The following GRID1 variants were observed in gnomAD, a reference collection of about 807,000 sequenced individuals.
The protein encoded by GRID1 is glutamate receptor ionotropic, delta-1.
In GRID1, 28 loss-of-function variants were observed where a neutral mutation model predicts 98.0. The observed-to-expected ratio is 0.29, with a 90% confidence interval of 0.21 to 0.39. The LOEUF is 0.39. Ranked by LOEUF, GRID1 falls within the 10% of genes least tolerant of loss-of-function variation. The pLI is 1.00. For missense variants in GRID1, 1,111 were observed against 1,340.5 expected, an observed-to-expected ratio of 0.83 and a Z score of 2.67; for synonymous variants, 553 against 538.5, an observed-to-expected ratio of 1.03 and a Z score of -0.37.
chr10:85,714,480 C>T (rs747830363), intron 12 of GRID1, among the ~76,000 whole-genome samples: 22 of 151,794 alleles, frequency 1.4e-4, no homozygotes, highest in African/African-American at 3.4e-4. Context: ...TTGCAGATGA[C>T]GTGATCTATA....
chr10:85,617,100 G>A (rs2132518325), intron 14 of GRID1, among the ~76,000 whole-genome samples: 1 of 152,264 alleles, frequency 6.6e-6, no homozygotes, highest in South Asian at 2.1e-4. Flanking sequence ...ACATAAGGCT[G>A]GGACCTGTCA....
At chr10:86,311,276 G>A (rs1253370100) in intron 2 of GRID1, among the ~76,000 whole-genome samples, 2 of 152,204 alleles carry the variant, frequency 1.3e-5, no homozygotes, top group Non-Finnish European at 2.9e-5. Flanking sequence ...TGTCAGACGT[G>A]AAAGGCCATG....
At chr10:85,613,344 T>A in intron 15 of GRID1, 63 bp downstream of exon 15, 1 of 1,521,846 alleles carries the variant, frequency 6.6e-7, no homozygotes, top group Non-Finnish European at 8.8e-7. Context: ...GCCCTCCCAA[T>A]GGCCCAGTGT....
chr10:86,009,431 T>C (rs947717975), intron 4 of GRID1, among the ~76,000 whole-genome samples: 1 of 152,100 alleles, frequency 6.6e-6, no homozygotes, highest in Admixed American at 6.6e-5. Context: ...GCCCTGATGA[T>C]AAAAGTTAAC....
chr10:86,319,488 C>A (rs1847940367), intron 2 of GRID1, among the ~76,000 whole-genome samples: 1 of 152,164 alleles, frequency 6.6e-6, no homozygotes, highest in African/African-American at 2.4e-5. Context: ...TTGCCTCCAC[C>A]CTTTTCTGCC....
At chr10:85,667,077 A>G (rs1841027364) in intron 12 of GRID1, among the ~76,000 whole-genome samples, 1 of 152,230 alleles carries the variant, frequency 6.6e-6, no homozygotes, top group Non-Finnish European at 1.5e-5. Flanking sequence ...GAGCAGACAC[A>G]CAGAAGAGAA....
chr10:85,958,368 C>T (rs1391198446), intron 4 of GRID1, among the ~76,000 whole-genome samples: 1 of 152,204 alleles, frequency 6.6e-6, no homozygotes, highest in South Asian at 2.1e-4. Context: ...CACCTCAAGG[C>T]CCCTTGGTGA....
chr10:86,321,519 G>A (rs1481556470), intron 2 of GRID1, among the ~76,000 whole-genome samples: 1 of 152,190 alleles, frequency 6.6e-6, no homozygotes, highest in Non-Finnish European at 1.5e-5. Flanking sequence ...GAATCATGAA[G>A]AATGCTTGCA....
chr10:86,227,250 C>T (rs1172935662), intron 2 of GRID1, among the ~76,000 whole-genome samples: 1 of 152,178 alleles, frequency 6.6e-6, no homozygotes, highest in East Asian at 1.9e-4. Context: ...ACTGGGGCCG[C>T]CCCTCCCCTC....
intron 2 of GRID1, among the ~76,000 whole-genome samples, chr10:86,255,272 AAACT>A (rs1378836497): frequency 1.3e-5 from 2 of 152,260 alleles, no homozygotes; most frequent in Non-Finnish European, 2.9e-5. Context: ...TAATTAAAAC[AAACT>A]GTGTCCAGAG....
chr10:85,743,105 G>GCTC (rs774463906), intron 8 of GRID1, among the ~76,000 whole-genome samples: 1 of 82,672 alleles, frequency 1.2e-5, no homozygotes, highest in Non-Finnish European at 2.4e-5. Flanking sequence ...GAATTATGCA[G>GCTC]CCCCCCCCCC....
At chr10:86,027,574 T>C (rs905138258) in intron 4 of GRID1, among the ~76,000 whole-genome samples, 1 of 152,252 alleles carries the variant, frequency 6.6e-6, no homozygotes, top group Admixed American at 6.5e-5. Flanking sequence ...CTGATTTTAG[T>C]GGCTGAGACA....
rs868798076 is a variant in GRID1, at chr10:85,898,254, G to C, written c.780+17932C>G. On this transcript the variant is annotated intron_variant, in intron 5 of 15. Coordinates refer to ENST00000327946, the MANE Select transcript of GRID1 (RefSeq NM_017551.3). Reference sequence around the variant, plus strand: ...ATGAAAGATAAAAAATTGTACAACTGTATAGGACACTTACGATGAATGGAG... The same window carrying C: ...ATGAAAGATAAAAAATTGTACAACTCTATAGGACACTTACGATGAATGGAG... Among the ~76,000 whole-genome samples, 6 of 152,322 alleles carry C rather than the reference G, an allele frequency of 3.9e-5. No individual in the cohort carries two copies. The Middle Eastern group carries it at 0.01, about 259-fold the overall frequency.
intron 13 of GRID1, among the ~76,000 whole-genome samples, chr10:85,628,017 G>A (rs762866987): frequency 9.2e-5 from 13 of 141,702 alleles, no homozygotes; most frequent in Non-Finnish European, 1.8e-4. Context: ...GAGTGTGAGC[G>A]TGTGTGTGTG....
rs538393177 is a variant in GRID1, at chr10:85,963,394, C to G, written c.727-47155G>C. ...AAACCAGTCCTCTTTCCTAAGACTC[C>G]CATCCCATTTCTCACTTACCCTCCA... On this transcript the variant is annotated intron_variant, in intron 4 of 15. Coordinates refer to ENST00000327946, the MANE Select transcript of GRID1 (RefSeq NM_017551.3). Among the ~76,000 whole-genome samples the G allele has an allele frequency of 3.9e-5, 6 of 152,298 alleles. No homozygotes were observed. In the South Asian group the frequency reaches 1.2e-3, roughly 32 times the overall value.
At chr10:85,744,100 C>A (rs191763777) in intron 8 of GRID1, among the ~76,000 whole-genome samples, 1 of 152,144 alleles carries the variant, frequency 6.6e-6, no homozygotes, top group East Asian at 1.9e-4. Flanking sequence ...AAAATGTGGA[C>A]CCATGAAATG....
intron 12 of GRID1, among the ~76,000 whole-genome samples, chr10:85,663,660 T>C (rs1396457302): frequency 6.6e-6 from 1 of 152,184 alleles, no homozygotes; most frequent in East Asian, 1.9e-4. Context: ...AATTGCCAAC[T>C]GCCACTCCAT....
At chr10:85,705,689 A>G (rs941810080) in intron 12 of GRID1, among the ~76,000 whole-genome samples, 1 of 152,234 alleles carries the variant, frequency 6.6e-6, no homozygotes, top group African/African-American at 2.4e-5. Context: ...CCTGATGAAC[A>G]TCGATGCAAA....
chr10:86,341,316 G>C (rs1200797657), intron 2 of GRID1, among the ~76,000 whole-genome samples: 1 of 152,152 alleles, frequency 6.6e-6, no homozygotes. Context: ...ATGCCCCAGA[G>C]CCTGCACTGC....
Sources: gnomAD v4.1 joint callset for allele counts (sites outside exome capture counted in the v4.1 genomes callset) on GRCh38, gnomAD v4.1.1 for gene constraint, MANE v1.5 for transcripts, NCBI Gene and HGNC (gene_info 2026-07-23, HGNC 2026-07-21) for gene names.